ZFYVE16: variants seen among roughly 807,000 people sequenced by gnomAD.
ZFYVE16 encodes the protein zinc finger FYVE-type containing 16, also known as zinc finger FYVE domain-containing protein 16.
In ZFYVE16, 89 loss-of-function variants were observed where a neutral mutation model predicts 138.1. That is an observed-to-expected ratio of 0.64 (90% CI 0.54 to 0.77). The LOEUF (loss-of-function observed/expected upper bound fraction) is 0.77, where lower values mean the gene tolerates loss of function less well. Among genes scored for constraint, ZFYVE16 ranks in the 30% least tolerant of loss-of-function variants. The probability of loss-of-function intolerance (pLI) is 0.00; values close to 1 mark genes in which losing one functional copy is unlikely to be tolerated. For synonymous variants in ZFYVE16, 596 were observed against 618.3 expected (o/e 0.96, Z 0.53); for missense variants, 1,793 against 1,786.7 (o/e 1.00, Z -0.06).
chr5:80,411,071 G>A (rs1461267917), intron 1 of ZFYVE16, among the ~76,000 whole-genome samples: 1 of 150,324 alleles, frequency 6.7e-6, no homozygotes, highest in Non-Finnish European at 1.5e-5. Flanking sequence ...GGGTTCAAGC[G>A]ATTCTCCTGC....
chr5:80,451,444 A>T (rs773508813), intron 10 of ZFYVE16, 41 bp from the exon 11 acceptor site: 5 of 1,509,276 alleles, frequency 3.3e-6, no homozygotes, highest in Non-Finnish European at 4.5e-6. Flanking sequence ...AAACAATAAC[A>T]AAACAACTTA....
At position 80,445,265 on chromosome 5, in the gene ZFYVE16, C is replaced by T. The variant is rs1400336955; in HGVS notation, c.2584C>T (p.Leu862=). ...TTTACTTTTTCAATTGATTCTAGGA[C>T]TATGTTCCAAAGAACAGAAGAGAGT... ...SALKQPGVEG[L]CSKEQKRVWF... Residue 862 remains leucine, a splice_region_variant and synonymous_variant, in exon 7 of 19, where the codon CTA becomes TTA. Coordinates refer to ENST00000505560, the MANE Select transcript of ZFYVE16 (RefSeq NM_001284236.3). The T allele has an allele frequency of 6.2e-7, 1 of 1,612,284 alleles. No individual in the cohort carries two copies. The highest frequency in any genetic ancestry group is 1.1e-5 in the South Asian group (1 of 90,598).
chr5:80,435,823 C>T (rs1471591367), intron 3 of ZFYVE16: 1 of 332,600 alleles, frequency 3.0e-6, no homozygotes, highest in Non-Finnish European at 6.1e-6. Flanking sequence ...TATCCTCCGA[C>T]CGTGGCTTCC....
At position 80,438,558 on chromosome 5, in the gene ZFYVE16, A is replaced by G; in HGVS notation, c.1873A>G (p.Thr625Ala). The G allele has an allele frequency of 6.2e-7, 1 of 1,614,158 alleles. No homozygotes were observed. Residue 625 changes from threonine to alanine, a missense_variant, in exon 4 of 19, where the codon ACC becomes GCC. Thr to Ala is a moderately conservative substitution (Grantham distance 58, BLOSUM62 0). Around this residue, in one of 2 missense-constraint regions of ZFYVE16, gnomAD observed 1,295 missense variants for 1,204.3 expected, o/e 1.08. Transcript: ENST00000505560. ...STIPVQQGLP[T>A]SKSEITNQLS... ...TATTCCAGTTCAACAAGGGTTACCT[A>G]CCAGTAAGTCTGAGATTACAAATCA...
At chr5:80,466,514 T>C (rs1225312541) in intron 15 of ZFYVE16, among the ~76,000 whole-genome samples, 4 of 152,236 alleles carry the variant, frequency 2.6e-5, no homozygotes, top group African/African-American at 9.6e-5. Context: ...TTTGATTCTT[T>C]AGACATAGTT....
intron 18 of ZFYVE16, among the ~76,000 whole-genome samples, chr5:80,475,489 A>G (rs1754812849): frequency 6.6e-6 from 1 of 152,124 alleles, no homozygotes; most frequent in Non-Finnish European, 1.5e-5. Flanking sequence ...CCATCAGTTC[A>G]CCTTCATACT....
In ZFYVE16 at chr5:80,437,323, C is replaced by T. The variant is rs370915553; in HGVS notation, c.638C>T (p.Thr213Ile). The T allele has an allele frequency of 1.2e-6, 2 of 1,602,582 alleles. No homozygotes were observed. Among genetic ancestry groups the T allele is most frequent in the Admixed American group, 1.8e-5 (1 of 56,982 alleles). Residue 213 changes from threonine (T) to isoleucine (I), a missense_variant, in exon 4 of 19, where the codon ACA becomes ATA. Physicochemically the swap from Thr to Ile is moderately conservative, Grantham distance 89. Around this residue, in one of 2 missense-constraint regions of ZFYVE16, gnomAD observed 1,295 missense variants for 1,204.3 expected, o/e 1.08. Transcript: ENST00000505560. Reference protein sequence around the residue: ...GIKELGIKVDTTLSDSYNYSG... With the variant: ...GIKELGIKVDITLSDSYNYSG... ...AAAGAATTGGGTATAAAAGTAGATACAACACTTTCAGATTCCTATAATTAC... is the reference window on the plus strand; with the variant it reads ...AAAGAATTGGGTATAAAAGTAGATATAACACTTTCAGATTCCTATAATTAC...
chr5:80,441,193 C>A (rs1295896369), intron 5 of ZFYVE16: 2 of 985,216 alleles, frequency 2.0e-6, no homozygotes, highest in Non-Finnish European at 2.4e-6. Context: ...ATTATCTCCC[C>A]CACTTAAAAA....
intron 1 of ZFYVE16, among the ~76,000 whole-genome samples, chr5:80,417,739 T>G (rs1487869348): frequency 5.9e-5 from 9 of 152,348 alleles, no homozygotes; most frequent in Admixed American, 3.3e-4. Context: ...ACATCTTGAT[T>G]GCTTCCAGTT....
chr5:80,459,911 T>C (rs974880422), intron 15 of ZFYVE16, among the ~76,000 whole-genome samples: 1 of 152,198 alleles, frequency 6.6e-6, no homozygotes, highest in African/African-American at 2.4e-5. Context: ...CTATTAAATA[T>C]TTTGTGAATG....
chr5:80,426,201 G>GT (rs1181978953), intron 1 of ZFYVE16, among the ~76,000 whole-genome samples: 42 of 139,680 alleles, frequency 3.0e-4, no homozygotes, highest in Admixed American at 8.6e-4. Context: ...GTGTGTGTGT[G>GT]GTGTGTGTGT....
chr5:80,423,662 G>C (rs563543827), intron 1 of ZFYVE16, among the ~76,000 whole-genome samples: 2 of 151,138 alleles, frequency 1.3e-5, no homozygotes, highest in Non-Finnish European at 3.0e-5. Context: ...CAGCCTCCCA[G>C]GTAGCTGGGA....
At chr5:80,418,923 A>G (rs1185517159) in intron 1 of ZFYVE16, among the ~76,000 whole-genome samples, 1 of 152,100 alleles carries the variant, frequency 6.6e-6, no homozygotes, top group East Asian at 1.9e-4. Flanking sequence ...CCCACTTTGA[A>G]TATGTTTTTA....
intron 3 of ZFYVE16, chr5:80,435,724 A>C (rs1227022370): frequency 1.6e-5 from 7 of 440,300 alleles, no homozygotes; most frequent in Non-Finnish European, 3.2e-5. Flanking sequence ...GTGCGCCAGC[A>C]TGCCCGGCTA....
chr5:80,469,739 T>C (rs1025624055), intron 15 of ZFYVE16, among the ~76,000 whole-genome samples: 1 of 152,132 alleles, frequency 6.6e-6, no homozygotes, highest in Non-Finnish European at 1.5e-5. Flanking sequence ...GCTCATTTTT[T>C]CTTCAATGTT....
At position 80,477,345 on chromosome 5, in the gene ZFYVE16, T is replaced by A. The variant is rs376311313; in HGVS notation, c.4588T>A (p.Leu1530Ile). ...CTCTAGTTTACCATTAGAAATAGAA[T>A]TAGTGTTTTTCATTATAGAACATCT... ...SNSSLPLEIE[L>I]VFFIIEHLF The change falls in exon 19 of 19, where the codon TTA becomes ATA. Residue 1530 changes from leucine to isoleucine, a missense_variant. Around this residue, in one of 2 missense-constraint regions of ZFYVE16, gnomAD observed 498 missense variants for 582.4 expected, o/e 0.86. Transcript: ENST00000505560. 3 of 1,607,890 alleles carry A rather than the reference T, an allele frequency of 1.9e-6. No homozygotes were observed. The highest frequency in any genetic ancestry group is 2.7e-5 in the African/African-American group (2 of 74,506).
chr5:80,476,923 T>C (rs1754966237), intron 18 of ZFYVE16, among the ~76,000 whole-genome samples: 1 of 152,200 alleles, frequency 6.6e-6, no homozygotes, highest in South Asian at 2.1e-4. Flanking sequence ...ATTTAAGTAA[T>C]GTCGGCAGTT....
intron 1 of ZFYVE16, among the ~76,000 whole-genome samples, chr5:80,421,576 A>G (rs768852996): frequency 4.7e-4 from 71 of 151,968 alleles, no homozygotes; most frequent in Non-Finnish European, 7.8e-4. Flanking sequence ...TCTTGTTTTT[A>G]TCAGGTTTGT....
intron 15 of ZFYVE16, among the ~76,000 whole-genome samples, chr5:80,464,373 T>C (rs868317786): frequency 8.5e-5 from 13 of 152,092 alleles, no homozygotes; most frequent in African/African-American, 2.9e-4. Flanking sequence ...GAGCCCCTTA[T>C]AAAACCATCA....
Sources: allele counts gnomAD v4.1 joint callset (sites outside exome capture counted in the v4.1 genomes callset), GRCh38; gene constraint gnomAD v4.1.1; regional missense constraint gnomAD v4.1.1; transcripts MANE v1.5; gene names NCBI Gene and HGNC (gene_info 2026-07-23, HGNC 2026-07-21).